Variants in UBE2Q2 observed in about 807,000 individuals in gnomAD.
UBE2Q2 encodes ubiquitin conjugating enzyme E2 Q2.
UBE2Q2 carries 54 observed loss-of-function variants against 59.9 expected under a neutral mutation model. The ratio of observed to expected loss-of-function variants is 0.90; its 90% CI spans 0.72 to 1.13. The LOEUF is 1.13. Among genes scored for constraint, UBE2Q2 ranks in the 50% most tolerant of loss-of-function variants. The pLI, the probability that UBE2Q2 is intolerant of heterozygous loss-of-function variation, is 0.00. For synonymous variants in UBE2Q2, 165 were observed against 155.2 expected (o/e 1.06, Z -0.47); for missense variants, 433 against 441.9 (o/e 0.98, Z 0.18).
intron 4 of UBE2Q2, 38 bp from the exon 5 acceptor site, chr15:75,873,390 A>G: frequency 1.9e-6 from 3 of 1,552,140 alleles, no homozygotes; most frequent in Non-Finnish European, 2.6e-6. Flanking sequence ...CTGAAGAAAA[A>G]TAGGTTGAAT....
At chr15:75,897,359 C>T (rs1440397809) in intron 12 of UBE2Q2, among the ~76,000 whole-genome samples, 1 of 152,028 alleles carries the variant, frequency 6.6e-6, no homozygotes, top group Admixed American at 6.5e-5. Flanking sequence ...CTGCCTCAGC[C>T]TCCCGAGTAG....
Position 75,866,328 on chromosome 15 carries a change from C to T in UBE2Q2, c.388-2623C>T, listed in dbSNP as rs868842064. Among the ~76,000 whole-genome samples the T allele has an allele frequency of 1.3e-5, 2 of 152,172 alleles. 1 individual carries two copies. The highest frequency in any genetic ancestry group is 6.8e-3 in the Middle Eastern group (2 of 294). ...AGCTGGGACTACAGGTGTGCACTGC[C>T]ACCGTGCATGGCTACTTTTTAAAAT... On this transcript the variant is annotated intron_variant, in intron 3 of 12. Transcript: ENST00000267938.
intron 2 of UBE2Q2, among the ~76,000 whole-genome samples, 183 bp from the exon 3 acceptor site, chr15:75,859,695 A>G (rs1897111754): frequency 6.6e-6 from 1 of 152,202 alleles, no homozygotes; most frequent in South Asian, 2.1e-4. Flanking sequence ...AAGCCATAGT[A>G]ACTTTCTTAC....
intron 8 of UBE2Q2, 41 bp downstream of exon 8, chr15:75,879,229 G>A: frequency 8.0e-7 from 1 of 1,250,710 alleles, no homozygotes; most frequent in Non-Finnish European, 1.1e-6. Flanking sequence ...TTCCAGTGGG[G>A]TGCGTATATT....
Position 75,879,175 on chromosome 15 carries a change from A to C in UBE2Q2, c.812A>C (p.Asn271Thr). 1 of 1,592,250 alleles carries C rather than the reference A, an allele frequency of 6.3e-7. No homozygotes were observed. Among genetic ancestry groups the C allele is most frequent in the Non-Finnish European group, 8.6e-7 (1 of 1,168,186 alleles). The change falls in exon 8 of 13, where the codon AAC becomes ACC. Residue 271 changes from asparagine (N) to threonine (T), a missense_variant. By Grantham distance (65) the Asn-to-Thr change is moderately conservative. Transcript: ENST00000267938. ...EKEGIEYILL[N>T]FSFKDNFPFD... ...GAAGGCATAGAATATATTTTGCTTA[A>C]CTTCTCTTTTAAGGTAAGAAAATAG...
chr15:75,844,277 A>G, intron 1 of UBE2Q2: 1 of 1,538,618 alleles, frequency 6.5e-7, no homozygotes. Flanking sequence ...TTAACGCCTC[A>G]TTTTTCAGTC....
chr15:75,879,041 TAAAA>T (rs372868686), intron 7 of UBE2Q2, 53 bp from the exon 8 acceptor site: 5 of 1,164,486 alleles, frequency 4.3e-6, no homozygotes, highest in Non-Finnish European at 5.9e-6. Context: ...TGAGTTTAGT[TAAAA>T]AAAAAAATCT....
chr15:75,858,378 T>C (rs1348211711), intron 2 of UBE2Q2, among the ~76,000 whole-genome samples: 3 of 152,174 alleles, frequency 2.0e-5, no homozygotes, highest in East Asian at 3.8e-4. Flanking sequence ...GTAATTCTTG[T>C]GATTGTGAGT....
intron 12 of UBE2Q2, among the ~76,000 whole-genome samples, chr15:75,897,852 C>A (rs902690483): frequency 2.0e-5 from 3 of 152,112 alleles, no homozygotes; most frequent in Admixed American, 2.0e-4. Flanking sequence ...CTTTACTTTG[C>A]TAGAAATGTG....
Position 75,890,912 on chromosome 15 carries a change from T to G in UBE2Q2, c.934-7T>G. On this transcript the variant is annotated splice_polypyrimidine_tract_variant and splice_region_variant and intron_variant, in intron 10 of 12. Transcript: ENST00000267938. The stretch of plus-strand genomic sequence containing the variant: ...CTGTATTTTAGAGATACTTTGTTCT[T>G]CTGTAGGGCTGGAGCAGTGCCTACT... 6.2e-7 allele frequency: 1 copy of G among 1,612,258 alleles called. No homozygotes were observed. The highest frequency in any genetic ancestry group is 8.5e-7 in the Non-Finnish European group (1 of 1,179,128).
Position 75,851,276 on chromosome 15 carries a change from G to C in UBE2Q2, c.181-3110G>C, listed in dbSNP as rs186152221. The stretch of plus-strand genomic sequence containing the variant: ...GGCTAATTTTTTGTATTTTTTTGTA[G>C]AGACAGGGTTTTGCCATGTTGCCTA... On this transcript the variant is annotated intron_variant, in intron 1 of 12. Transcript: ENST00000267938. Among the ~76,000 whole-genome samples, 18 of 151,660 alleles carry C rather than the reference G, an allele frequency of 1.2e-4. No individual in the cohort carries two copies. In the East Asian group the frequency reaches 2.7e-3, roughly 23 times the overall value.
chr15:75,894,365 C>T (rs552504834), intron 11 of UBE2Q2, among the ~76,000 whole-genome samples: 2 of 152,054 alleles, frequency 1.3e-5, no homozygotes, highest in East Asian at 1.9e-4. Context: ...CTCAGGAGTT[C>T]GAGACCACCT....
intron 3 of UBE2Q2, among the ~76,000 whole-genome samples, chr15:75,866,256 T>C (rs1384783986): frequency 1.3e-5 from 2 of 152,112 alleles, no homozygotes; most frequent in Non-Finnish European, 2.9e-5. Flanking sequence ...CACTGCAGCC[T>C]CTACCTTCCT....
At chr15:75,884,487 A>C (rs1260491486) in intron 9 of UBE2Q2, among the ~76,000 whole-genome samples, 1 of 152,200 alleles carries the variant, frequency 6.6e-6, no homozygotes, top group Non-Finnish European at 1.5e-5. Context: ...GTCAGAATAC[A>C]TACTAACTTT....
At chr15:75,891,947 A>G (rs1899132865) in intron 11 of UBE2Q2, among the ~76,000 whole-genome samples, 1 of 152,152 alleles carries the variant, frequency 6.6e-6, no homozygotes, top group Admixed American at 6.5e-5. Flanking sequence ...CTTCTGACCT[A>G]TTTCTATGAT....
chr15:75,843,759 G>A lies in UBE2Q2; in HGVS notation c.93G>A (p.Leu31=). ...GATTCCGCATCGTCAGTTGGAAGCT[G>A]GACGAGCTGCACTGCCAGTTCCTGG... ...HERFRIVSWK[L]DELHCQFLVP... is the part of the protein sequence containing the mutation. Residue 31 remains leucine, a synonymous_variant, in exon 1 of 13, where the codon CTG becomes CTA. Transcript: ENST00000267938. The A allele has an allele frequency of 1.2e-6, 2 of 1,610,894 alleles. No homozygotes were observed. Among genetic ancestry groups the A allele is most frequent in the African/African-American group, 1.3e-5 (1 of 74,554 alleles).
Position 75,879,197 on chromosome 15 carries a change from A to G in UBE2Q2, c.825+9A>G. 3 of 1,530,918 alleles carry G rather than the reference A, an allele frequency of 2.0e-6. No homozygotes were observed. The highest frequency in any genetic ancestry group is 2.7e-6 in the Non-Finnish European group (3 of 1,120,864). 94.8% of individuals were successfully genotyped at this position (1,530,918 alleles called of 1,614,324 possible). On this transcript the variant is annotated intron_variant, in intron 8 of 12. Coordinates refer to ENST00000267938, the MANE Select transcript of UBE2Q2 (RefSeq NM_173469.4). Reference sequence around the variant, plus strand: ...TTAACTTCTCTTTTAAGGTAAGAAAATAGTTACAGGACCCCATATACTTCC... The same window carrying G: ...TTAACTTCTCTTTTAAGGTAAGAAAGTAGTTACAGGACCCCATATACTTCC...
intron 12 of UBE2Q2, 76 bp downstream of exon 12, chr15:75,897,137 TTC>T (rs1225462415): frequency 3.4e-5 from 29 of 862,772 alleles, no homozygotes; most frequent in South Asian, 7.0e-5. Flanking sequence ...CATTTTATTT[TTC>T]TGTTTTTGCT....
intron 3 of UBE2Q2, among the ~76,000 whole-genome samples, chr15:75,867,223 T>C (rs1422925830): frequency 6.6e-6 from 1 of 152,104 alleles, no homozygotes. Context: ...CTAAAAACAC[T>C]CTCTGTCTTT....
Sources: allele counts gnomAD v4.1 joint callset (sites outside exome capture counted in the v4.1 genomes callset), GRCh38; gene constraint gnomAD v4.1.1; transcripts MANE v1.5; gene names NCBI Gene and HGNC (gene_info 2026-07-23, HGNC 2026-07-21).